The following DTNBP1 variants were observed in gnomAD, a reference collection of about 807,000 sequenced individuals.
The protein encoded by DTNBP1 is dysbindin.
In DTNBP1, 35 loss-of-function variants were observed where a neutral mutation model predicts 42.8. That is an observed-to-expected ratio of 0.82 (90% confidence interval 0.63 to 1.09). The LOEUF (loss-of-function observed/expected upper bound fraction) is 1.09. Among genes scored for constraint, DTNBP1 ranks in the 50% least tolerant of loss-of-function variants. DTNBP1 has a pLI of 0.00. For synonymous variants in DTNBP1, 171 were observed against 162.2 expected (o/e 1.05, Z -0.41); for missense variants, 457 against 424.2 (o/e 1.08, Z -0.68).
intron 4 of DTNBP1, among the ~76,000 whole-genome samples, chr6:15,630,383 C>T (rs563035419): frequency 3.3e-5 from 5 of 152,312 alleles, no homozygotes; most frequent in Admixed American, 2.6e-4. Context: ...GTTCAGTTCA[C>T]TTTCTGACAG....
chr6:15,660,820 G>A (rs543113309), intron 1 of DTNBP1, among the ~76,000 whole-genome samples: 12 of 152,214 alleles, frequency 7.9e-5, no homozygotes, highest in African/African-American at 2.9e-4. Context: ...GTGACCTAGA[G>A]TTATAGTAAC....
intron 7 of DTNBP1, 79 bp from the exon 8 acceptor site, chr6:15,533,474 C>T (rs1773013375): frequency 1.2e-6 from 2 of 1,609,396 alleles, no homozygotes; most frequent in Admixed American, 1.7e-5. Flanking sequence ...TGCTCGCATC[C>T]ACCCTCCAAG....
rs528290880 is a variant in DTNBP1, at chr6:15,534,048, A to C, written c.512-653T>G. Among the ~76,000 whole-genome samples the C allele has an allele frequency of 1.7e-4, 26 of 152,322 alleles. 1 individual carries two copies. In the South Asian group the frequency reaches 5.4e-3, roughly 32 times the overall value. ...CTAAGTGCAGTAAGCCGGAGTCACGAAAAGGCAAATGCTGTGTGCTTCCAG... is the reference window on the plus strand; with the variant it reads ...CTAAGTGCAGTAAGCCGGAGTCACGCAAAGGCAAATGCTGTGTGCTTCCAG... On this transcript the variant is annotated intron_variant, in intron 7 of 9. Transcript: ENST00000344537.
intron 7 of DTNBP1, among the ~76,000 whole-genome samples, chr6:15,534,294 G>A (rs1773074202): frequency 6.6e-6 from 1 of 152,160 alleles, no homozygotes; most frequent in Admixed American, 6.5e-5. Context: ...CACTCAGCTG[G>A]ACACTTATGA....
chr6:15,577,104 C>CCA (rs1775611207), intron 7 of DTNBP1, among the ~76,000 whole-genome samples: 1 of 152,172 alleles, frequency 6.6e-6, no homozygotes, highest in South Asian at 2.1e-4. Flanking sequence ...AGGGAACGAG[C>CCA]CAGGCCACCA....
chr6:15,555,754 G>T (rs1460628255), intron 7 of DTNBP1, among the ~76,000 whole-genome samples: 1 of 152,176 alleles, frequency 6.6e-6, no homozygotes, highest in Admixed American at 6.5e-5. Context: ...ATATGACCAA[G>T]AAATAACCAT....
chr6:15,607,174 C>A (rs1357714462), intron 6 of DTNBP1, among the ~76,000 whole-genome samples: 1 of 152,038 alleles, frequency 6.6e-6, no homozygotes, highest in Non-Finnish European at 1.5e-5. Flanking sequence ...CCACATCCAG[C>A]TAATTTTTGT....
At chr6:15,583,155 A>AT (rs894137894) in intron 7 of DTNBP1, among the ~76,000 whole-genome samples, 5 of 151,994 alleles carry the variant, frequency 3.3e-5, no homozygotes, top group African/African-American at 4.8e-5. Context: ...TAATTTTTAA[A>AT]TTTTTTTGTA....
At chr6:15,614,906 T>C (rs1205078260) in intron 6 of DTNBP1, among the ~76,000 whole-genome samples, 1 of 152,216 alleles carries the variant, frequency 6.6e-6, no homozygotes, top group Non-Finnish European at 1.5e-5. Context: ...CTCATGCTCC[T>C]TTCCTTCTGC....
intron 1 of DTNBP1, among the ~76,000 whole-genome samples, chr6:15,658,037 T>C (rs1187693791): frequency 1.3e-5 from 2 of 152,238 alleles, no homozygotes; most frequent in African/African-American, 4.8e-5. Flanking sequence ...TTCATTCTGC[T>C]TTGCTTTATA....
chr6:15,650,962 A>G (rs57214146), intron 3 of DTNBP1, among the ~76,000 whole-genome samples: 2,124 of 152,324 alleles, frequency 0.014, 49 homozygotes, highest in African/African-American at 0.048. Flanking sequence ...CTCCATGTCA[A>G]TAAAAGAATG....
At chr6:15,542,671 A>C (rs1380090139) in intron 7 of DTNBP1, among the ~76,000 whole-genome samples, 1 of 151,632 alleles carries the variant, frequency 6.6e-6, no homozygotes, top group Non-Finnish European at 1.5e-5. Flanking sequence ...CACCTGGCCA[A>C]ATTTTTTATG....
Position 15,645,521 on chromosome 6 carries a change from T to G in DTNBP1, c.161+5792A>C, listed in dbSNP as rs1760624781. Among the ~76,000 whole-genome samples the G allele has an allele frequency of 2.6e-5, 4 of 151,958 alleles. No individual in the cohort carries two copies. The South Asian group carries it at 8.3e-4, about 31-fold the overall frequency. ...TACAGGTCAACATTACTGATAAACA[T>G]AGACACAAAAATCCTCAACAAAATG... On this transcript the variant is annotated intron_variant, in intron 3 of 9. Transcript: ENST00000344537.
At chr6:15,583,174 G>C (rs1302662656) in intron 7 of DTNBP1, among the ~76,000 whole-genome samples, 1 of 152,038 alleles carries the variant, frequency 6.6e-6, no homozygotes, top group Non-Finnish European at 1.5e-5. Flanking sequence ...TAGAGCGGGG[G>C]TCTCATTATG....
chr6:15,551,911 A>G (rs1774234072), intron 7 of DTNBP1, among the ~76,000 whole-genome samples: 1 of 152,228 alleles, frequency 6.6e-6, no homozygotes, highest in African/African-American at 2.4e-5. Context: ...GCCAGCAGTC[A>G]CAGCAGGCCA....
At chr6:15,524,156 G>T in intron 9 of DTNBP1, 1 of 1,422,034 alleles carries the variant, frequency 7.0e-7, no homozygotes, top group Non-Finnish European at 9.3e-7. Context: ...GCACGAAGAG[G>T]GAAGAGTTTC....
chr6:15,524,286 C>T lies in DTNBP1; in HGVS notation c.811+240G>A, dbSNP rs1453542674. 7 of 1,609,092 alleles carry T rather than the reference C, an allele frequency of 4.4e-6. No homozygotes were observed. In the South Asian group the frequency reaches 6.7e-5, roughly 15 times the overall value. On this transcript the variant is annotated intron_variant, in intron 9 of 9. Transcript: ENST00000344537. ...GGAAAACAAACAAGAAAGCTCTCAACTCACCAAAGTTACCGGAGTGGAGCA... is the reference window on the plus strand; with the variant it reads ...GGAAAACAAACAAGAAAGCTCTCAATTCACCAAAGTTACCGGAGTGGAGCA...
At chr6:15,646,250 T>G (rs1160516020) in intron 3 of DTNBP1, among the ~76,000 whole-genome samples, 2 of 125,036 alleles carry the variant, frequency 1.6e-5, no homozygotes, top group African/African-American at 3.5e-5. Context: ...TCAATCTCAT[T>G]TACAATAGAC....
At chr6:15,580,799 T>C (rs928833036) in intron 7 of DTNBP1, among the ~76,000 whole-genome samples, 6 of 152,230 alleles carry the variant, frequency 3.9e-5, no homozygotes, top group Non-Finnish European at 5.9e-5. Flanking sequence ...GATCTGGGCA[T>C]TGTAGTTAAA....
Sources: gnomAD v4.1 joint callset for allele counts (sites outside exome capture counted in the v4.1 genomes callset) on GRCh38, gnomAD v4.1.1 for gene constraint, MANE v1.5 for transcripts, NCBI Gene and HGNC (gene_info 2026-07-23, HGNC 2026-07-21) for gene names.